The following POLK variants were observed in gnomAD, a reference collection of about 807,000 sequenced individuals.
POLK encodes polymerase (DNA directed) kappa.
POLK carries 76 observed loss-of-function variants against 94.0 expected under a neutral mutation model. That is an observed-to-expected ratio of 0.81 (90% confidence interval 0.67 to 0.98). The LOEUF (loss-of-function observed/expected upper bound fraction) is 0.98, where lower values mean the gene tolerates loss of function less well. Ranked by LOEUF, POLK falls within the 50% of genes least tolerant of loss-of-function variation. The pLI is 0.00. For synonymous variants in POLK, 349 were observed against 325.4 expected (o/e 1.07, Z -0.78); for missense variants, 954 against 1,010.1 (o/e 0.94, Z 0.75).
rs145258311 is a variant in POLK at position 75,543,784 on chromosome 5, T to C, written c.-13-3226T>C. ...TGTCCCAGGATTGCCCATAGCCCAA[T>C]TCTTTTGATTCAAGCACCAAAACCA... On this transcript the variant is annotated intron_variant, in intron 1 of 14. Coordinates refer to ENST00000241436, the Ensembl canonical transcript of POLK. 1.1e-3 allele frequency among the ~76,000 whole-genome samples: 164 copies of C among 152,282 alleles called. 1 individual carries two copies. The East Asian group carries it at 0.027, about 25-fold the overall frequency.
chr5:75,547,688 A>G (rs1158615076), intron 2 of POLK, among the ~76,000 whole-genome samples: 1 of 152,214 alleles, frequency 6.6e-6, no homozygotes, highest in Non-Finnish European at 1.5e-5. Context: ...CCTACAATGG[A>G]ATTGTTTCAC....
At chr5:75,557,363 A>G (rs1770687890) in intron 3 of POLK, among the ~76,000 whole-genome samples, 1 of 152,218 alleles carries the variant, frequency 6.6e-6, no homozygotes. Context: ...GACATCCACA[A>G]AATAGCTTGC....
downstream of POLK, among the ~76,000 whole-genome samples, chr5:75,602,484 A>G (rs1773316625): frequency 6.6e-6 from 1 of 152,196 alleles, no homozygotes; most frequent in African/African-American, 2.4e-5. Context: ...TGAAAAGTGC[A>G]GGGCTGGAGT....
intron 12 of POLK, among the ~76,000 whole-genome samples, chr5:75,595,229 A>C (rs753936638): frequency 7.1e-5 from 10 of 140,242 alleles, no homozygotes; most frequent in Non-Finnish European, 1.2e-4. Flanking sequence ...CTGGGCAACA[A>C]GAGTGAAACT....
intron 4 of POLK, among the ~76,000 whole-genome samples, chr5:75,570,657 C>T (rs979604393): frequency 6.6e-6 from 1 of 152,092 alleles, no homozygotes. Flanking sequence ...ACCACTCTAA[C>T]CTTAGAAGAA....
chr5:75,605,294 T>C (rs1773396323), downstream of POLK, among the ~76,000 whole-genome samples: 1 of 152,222 alleles, frequency 6.6e-6, no homozygotes, highest in East Asian at 1.9e-4. Flanking sequence ...TTGCTTAGCT[T>C]TCACCAGTTT....
Position 75,576,841 on chromosome 5 carries a change from A to G in POLK, c.602A>G (p.Tyr201Cys), listed in dbSNP as rs368533237. The change falls in exon 6 of 15, where the codon TAC becomes TGC. Residue 201 changes from tyrosine (Y) to cysteine (C), a missense_variant. By Grantham distance (194) the Tyr-to-Cys change is radical. Transcript: ENST00000241436. ...ATGGCCATGAGTCTTGATGAAGCCT[A>G]CTTGAATATAACAAAGCACTTAGAA... is the stretch of plus-strand genomic sequence containing the variant. 7 of 1,561,972 alleles carry G rather than the reference A, an allele frequency of 4.5e-6. No homozygotes were observed. In the African/African-American group the frequency reaches 9.6e-5, roughly 21 times the overall value.
chr5:75,518,180 G>C (rs1453450291), intron 1 of POLK, among the ~76,000 whole-genome samples: 2 of 151,960 alleles, frequency 1.3e-5, no homozygotes, highest in East Asian at 3.9e-4. Context: ...TTTTTGTTTT[G>C]TTTTGTTTTG....
intron 6 of POLK, among the ~76,000 whole-genome samples, chr5:75,578,643 G>A (rs1248919821): frequency 3.3e-5 from 5 of 152,162 alleles, no homozygotes; most frequent in South Asian, 2.1e-4. Context: ...ACTTTCAGGC[G>A]TGTCTCACCT....
chr5:75,581,143 AAACCT>A, intron 6 of POLK, 61 bp from the exon 7 acceptor site: 5 of 1,142,250 alleles, frequency 4.4e-6, no homozygotes, highest in Non-Finnish European at 6.3e-6. Flanking sequence ...TAATGTAGGG[AAACCT>A]AACTTATGAA....
At chr5:75,606,256 CA>C in the POLK span, among the ~76,000 whole-genome samples, 1 of 11,874 alleles carries the variant, frequency 8.4e-5, no homozygotes, top group East Asian at 1.0e-3. Context: ...ATGGAGCATA[CA>C]ATCGGGTTTT....
intron 10 of POLK, among the ~76,000 whole-genome samples, chr5:75,589,250 C>A (rs1273201720): frequency 6.6e-6 from 1 of 151,884 alleles, no homozygotes; most frequent in Non-Finnish European, 1.5e-5. Flanking sequence ...ATGAGGAAAT[C>A]ATTTACTCAT....
At chr5:75,569,193 GTGGATGGATGAATGGA>G in intron 3 of POLK, 131 bp from the exon 4 acceptor site, 1 of 591,198 alleles carries the variant, frequency 1.7e-6, no homozygotes, top group Admixed American at 3.2e-5. Context: ...AAGTGGATGG[GTGGATGGATGAATGGA>G]TGGATGGATG....
chr5:75,530,405 T>C (rs1253307006), intron 1 of POLK, among the ~76,000 whole-genome samples: 6 of 110,796 alleles, frequency 5.4e-5, no homozygotes, highest in Admixed American at 2.7e-4. Context: ...TCTTTTTTTT[T>C]TTTTTTTTTT....
intron 2 of POLK, among the ~76,000 whole-genome samples, chr5:75,551,758 G>A (rs993431798): frequency 1.3e-5 from 2 of 152,152 alleles, no homozygotes; most frequent in South Asian, 2.1e-4. Context: ...ACCCTCCTAC[G>A]TTGCTGATGG....
rs111671421 is a variant in POLK, at chr5:75,569,920, T to C, written c.408+428T>C. 9.5e-3 allele frequency among the ~76,000 whole-genome samples: 1,444 copies of C among 152,300 alleles called. 23 individuals are homozygous for C. Among genetic ancestry groups the C allele is most frequent in the African/African-American group, 0.034 (1,395 of 41,558 alleles). On this transcript the variant is annotated intron_variant, in intron 4 of 14. Coordinates refer to ENST00000241436, the Ensembl canonical transcript of POLK. ...ATTATGAGAATCAAATGCCTGATGA[T>C]CTATCACTGTCTCCCATCACCCCCA...
exon 13 of POLK, chr5:75,596,478 A>G (rs550452561): frequency 1.9e-6 from 3 of 1,614,046 alleles, no homozygotes; most frequent in East Asian, 2.2e-5. Flanking sequence ...GTTTCCAGAC[A>G]TCACAACCAT....
At chr5:75,582,225 C>A in intron 7 of POLK, 1 of 604,256 alleles carries the variant, frequency 1.7e-6, no homozygotes, top group Non-Finnish European at 2.1e-6. Flanking sequence ...GAGGCCATCA[C>A]TGTCTCTTAA....
At chr5:75,589,388 TACACACACAC>T (rs71600465) in intron 10 of POLK, among the ~76,000 whole-genome samples, 1,596 of 128,302 alleles carry the variant, frequency 0.012, 11 homozygotes, top group African/African-American at 0.022. Flanking sequence ...TATACACACA[TACACACACAC>T]ACACACACAC....
Sources: allele counts gnomAD v4.1 joint callset (sites outside exome capture counted in the v4.1 genomes callset), GRCh38; gene constraint gnomAD v4.1.1; transcripts MANE v1.5; gene names NCBI Gene and HGNC (gene_info 2026-07-23, HGNC 2026-07-21).